The following SV2B variants were observed in gnomAD, a reference collection of about 807,000 sequenced individuals.
The protein encoded by SV2B is synaptic vesicle glycoprotein 2B, also known as solute carrier family 22 member B2.
A neutral mutation model predicts 73.9 loss-of-function variants in SV2B; 41 were observed. That is an observed-to-expected ratio of 0.56 (90% confidence interval 0.43 to 0.72). SV2B has a LOEUF of 0.72. Among genes scored for constraint, SV2B ranks in the 30% least tolerant of loss-of-function variants. The pLI is 0.00. For synonymous variants in SV2B, 314 were observed against 314.2 expected, an observed-to-expected ratio of 1.00 and a Z score of 0.01; for missense variants, 764 against 857.8, an observed-to-expected ratio of 0.89 and a Z score of 1.37.
intron 1 of SV2B, among the ~76,000 whole-genome samples, chr15:91,211,557 A>G (rs546153904): frequency 5.6e-4 from 81 of 143,474 alleles, no homozygotes; most frequent in African/African-American, 2.1e-3. Flanking sequence ...AGGCTGGAGT[A>G]CAGTGGCGCA....
chr15:91,158,011 G>A (rs1468326470), intron 1 of SV2B, among the ~76,000 whole-genome samples: 1 of 152,178 alleles, frequency 6.6e-6, no homozygotes, highest in Non-Finnish European at 1.5e-5. Context: ...TCCCCATTTT[G>A]TTCTGACCTC....
intron 1 of SV2B, among the ~76,000 whole-genome samples, chr15:91,204,758 A>G (rs555221876): frequency 2.0e-5 from 3 of 152,004 alleles, no homozygotes; most frequent in South Asian, 2.1e-4. Flanking sequence ...AAGTCTTGCT[A>G]TGTTGTCCAG....
chr15:91,138,019 T>G (rs1182005291), intron 1 of SV2B, among the ~76,000 whole-genome samples: 2 of 152,094 alleles, frequency 1.3e-5, no homozygotes, highest in African/African-American at 4.8e-5. Flanking sequence ...AATTACAGGG[T>G]CTAGGCAATA....
chr15:91,222,010 G>A (rs2046236307), intron 1 of SV2B, among the ~76,000 whole-genome samples: 1 of 152,166 alleles, frequency 6.6e-6, no homozygotes, highest in African/African-American at 2.4e-5. Context: ...ATTCTGCCAA[G>A]ACAAGCAAAG....
Position 91,236,788 on chromosome 15 carries a change from TG to T in SV2B, c.451+10079del, listed in dbSNP as rs1480823579. Reference sequence around the variant, plus strand: ...GACATTACCTGGGGCAGCTGGAAGGTGGGGGCTGGAATCATCGGAGGGCTCA... The same window carrying T: ...GACATTACCTGGGGCAGCTGGAAGGTGGGGCTGGAATCATCGGAGGGCTCA... On this transcript the variant is annotated intron_variant, in intron 2 of 12. Transcript: ENST00000394232. The surrounding 1 kb of genome is among the most constrained non-coding windows in gnomAD (Gnocchi z 4.1). 6.6e-6 allele frequency among the ~76,000 whole-genome samples: 1 copy of T among 151,970 alleles called. No individual in the cohort carries two copies. Among genetic ancestry groups the T allele is most frequent in the Non-Finnish European group, 1.5e-5 (1 of 67,990 alleles).
At chr15:91,272,441 A>G (rs554919171) in intron 9 of SV2B, among the ~76,000 whole-genome samples, 10 of 152,264 alleles carry the variant, frequency 6.6e-5, no homozygotes, top group African/African-American at 2.4e-4. Context: ...CTTTCTGCAC[A>G]TCAGGGAGAG....
intron 1 of SV2B, among the ~76,000 whole-genome samples, chr15:91,193,792 A>G (rs1356037182): frequency 6.6e-6 from 1 of 152,246 alleles, no homozygotes; most frequent in Non-Finnish European, 1.5e-5. Context: ...AATGGACTTA[A>G]ATGATATAAA....
In SV2B at chr15:91,141,922, G is replaced by C. The variant is rs2043008493; in HGVS notation, c.-392+41559G>C. Reference sequence around the variant, plus strand: ...CACAGGGTCCCACAGTGGATCCTCAGAGCAAGGATCCTCAGAGCTCCTGAG... The same window carrying C: ...CACAGGGTCCCACAGTGGATCCTCACAGCAAGGATCCTCAGAGCTCCTGAG... On this transcript the variant is annotated intron_variant, in intron 1 of 12. Coordinates refer to ENST00000394232, the MANE Select transcript of SV2B (RefSeq NM_001323032.3). This position sits in a 1 kb window ranked among gnomAD's most constrained non-coding sequence, Gnocchi z 4.6. 6.6e-6 allele frequency among the ~76,000 whole-genome samples: 1 copy of C among 152,146 alleles called. No individual in the cohort carries two copies. Among genetic ancestry groups the C allele is most frequent in the Non-Finnish European group, 1.5e-5 (1 of 68,014 alleles).
rs1031995977 is a variant in SV2B, at chr15:91,298,882, C to T, written c.*6330C>T. The T allele has an allele frequency of 3.3e-5, 5 of 152,098 alleles. No individual in the cohort carries two copies. Among genetic ancestry groups the T allele is most frequent in the African/African-American group, 1.2e-4 (5 of 41,404 alleles). 9.4% of individuals were successfully genotyped at this position (152,098 alleles called of 1,614,324 possible). On this transcript the variant is annotated 3_prime_UTR_variant, in exon 13 of 13. Transcript: ENST00000394232. This position sits in a 1 kb window ranked among gnomAD's most constrained non-coding sequence, Gnocchi z 5.4. ...AGGATGAGCCATTTAAAAATGGTGG[C>T]CCTGTCCTCCACTTCTTACCTACCA...
rs931620080 is a variant in SV2B at position 91,295,046 on chromosome 15, A to G, written c.*2494A>G. On this transcript the variant is annotated 3_prime_UTR_variant, in exon 13 of 13. Coordinates refer to ENST00000394232, the MANE Select transcript of SV2B (RefSeq NM_001323032.3). ...AGGTCACTGGGGGACAATGTACAGCATTCTGGCCATCCACTTCTTTTTCAC... is the reference window on the plus strand; with the variant it reads ...AGGTCACTGGGGGACAATGTACAGCGTTCTGGCCATCCACTTCTTTTTCAC... 2.0e-5 allele frequency: 3 copies of G among 152,672 alleles called. No homozygotes were observed. Among genetic ancestry groups the G allele is most frequent in the Non-Finnish European group, 4.4e-5 (3 of 68,056 alleles). The allele number at this position is 152,672 out of a possible 1,614,324, so 9.5% of individuals were successfully genotyped here.
intron 1 of SV2B, among the ~76,000 whole-genome samples, chr15:91,167,854 T>C (rs993585848): frequency 6.6e-4 from 101 of 152,360 alleles, no homozygotes; most frequent in African/African-American, 2.2e-3. Flanking sequence ...CTATGAAGAA[T>C]GTTCATTTCT....
chr15:91,181,106 C>G (rs2044537576), intron 1 of SV2B, among the ~76,000 whole-genome samples: 1 of 152,182 alleles, frequency 6.6e-6, no homozygotes, highest in African/African-American at 2.4e-5. Context: ...AGTTTTCCTT[C>G]TAACAGACAG....
intron 1 of SV2B, among the ~76,000 whole-genome samples, chr15:91,109,697 C>T (rs1009733061): frequency 1.3e-5 from 2 of 151,996 alleles, no homozygotes; most frequent in Admixed American, 6.6e-5. Flanking sequence ...CCCTAGAAAG[C>T]GGGGAATCCA....
rs553283170 is a variant in SV2B at position 91,180,868 on chromosome 15, C to T, written c.-391-45005C>T. ...CTCCTGTAGCTCGGAGTAGTTTGATCGTCTGAAGCCTTCTTCTCTCAACTC... is the reference window on the plus strand; with the variant it reads ...CTCCTGTAGCTCGGAGTAGTTTGATTGTCTGAAGCCTTCTTCTCTCAACTC... On this transcript the variant is annotated intron_variant, in intron 1 of 12. Coordinates refer to ENST00000394232, the MANE Select transcript of SV2B (RefSeq NM_001323032.3). Among the ~76,000 whole-genome samples the T allele has an allele frequency of 2.1e-3, 315 of 152,304 alleles. 1 individual carries two copies. The highest frequency in any genetic ancestry group is 7.2e-3 in the African/African-American group (299 of 41,580).
chr15:91,101,257 T>C (rs775499303), intron 1 of SV2B, among the ~76,000 whole-genome samples: 4 of 151,858 alleles, frequency 2.6e-5, no homozygotes, highest in Non-Finnish European at 5.9e-5. Flanking sequence ...GGAGGGTGCA[T>C]GAGGGAGGAC....
rs1055868518 is a variant in SV2B at position 91,294,954 on chromosome 15, C to G, written c.*2402C>G. On this transcript the variant is annotated 3_prime_UTR_variant, in exon 13 of 13. Coordinates refer to ENST00000394232, the MANE Select transcript of SV2B (RefSeq NM_001323032.3). The surrounding 1 kb of genome is among the most constrained non-coding windows in gnomAD (Gnocchi z 4.1). The stretch of plus-strand genomic sequence containing the variant: ...TTGCAGGATTGTCTAGCCTGAGTAC[C>G]GGGCTACTTCTTAAATGCCGTCACT... 10 of 152,576 alleles carry G rather than the reference C, an allele frequency of 6.6e-5. No individual in the cohort carries two copies. The highest frequency in any genetic ancestry group is 2.4e-4 in the African/African-American group (10 of 41,420). 9.5% of individuals were successfully genotyped at this position (152,576 alleles called of 1,614,324 possible).
intron 1 of SV2B, among the ~76,000 whole-genome samples, chr15:91,143,301 C>T (rs181357234): frequency 1.1e-4 from 17 of 152,248 alleles, no homozygotes; most frequent in African/African-American, 1.7e-4. Flanking sequence ...ATGTCTAGAA[C>T]GGCTCAGAAG....
chr15:91,273,654 T>C (rs2048390106), intron 9 of SV2B, among the ~76,000 whole-genome samples: 1 of 152,150 alleles, frequency 6.6e-6, no homozygotes, highest in African/African-American at 2.4e-5. Context: ...TTTCCTCTCT[T>C]TTTTTCCATT....
rs1304278337 is a variant in SV2B at position 91,148,019 on chromosome 15, C to T, written c.-392+47656C>T. Among the ~76,000 whole-genome samples, 12 of 120,352 alleles carry T rather than the reference C, an allele frequency of 1.0e-4. 1 individual carries two copies. The highest frequency in any genetic ancestry group is 4.6e-4 in the East Asian group (2 of 4,358). 79.0% of individuals were successfully genotyped at this position (120,352 alleles called of 152,430 possible). A position where few individuals can be genotyped will look rare whatever the true frequency, so the allele number is the denominator to read the frequency against. On this transcript the variant is annotated intron_variant, in intron 1 of 12. Transcript: ENST00000394232. ...TTTTTGAGATGGAGTCTTGCTCTGT[C>T]GCCCAGGCTGGAGTGCAGTGGTGCA...
Sources: gnomAD v4.1 joint callset for allele counts (sites outside exome capture counted in the v4.1 genomes callset) on GRCh38, gnomAD v4.1.1 for gene constraint, Gnocchi (gnomAD v3.1) non-coding constraint, MANE v1.5 for transcripts, NCBI Gene and HGNC (gene_info 2026-07-23, HGNC 2026-07-21) for gene names.